Variants in ECH1 observed in about 807,000 individuals in gnomAD.
The protein encoded by ECH1 is delta(3,5)-Delta(2,4)-dienoyl-CoA isomerase, mitochondrial.
Under a neutral mutation model 37.0 loss-of-function variants are expected in ECH1, and 30 were observed. The ratio of observed to expected loss-of-function variants is 0.81; its 90% CI spans 0.61 to 1.10. The LOEUF (loss-of-function observed/expected upper bound fraction) is 1.10. Ranked by LOEUF, ECH1 falls within the 50% of genes least tolerant of loss-of-function variation. ECH1 has a pLI of 0.00. For missense variants in ECH1, 456 were observed against 441.6 expected (o/e 1.03, Z -0.29); for synonymous variants, 178 against 176.0 (o/e 1.01, Z -0.09).
chr19:38,827,359 C>A (rs144071712), intron 3 of ECH1, among the ~76,000 whole-genome samples: 1 of 152,038 alleles, frequency 6.6e-6, no homozygotes, highest in Admixed American at 6.6e-5. Context: ...AACCCTCCCA[C>A]GGACAACTAC....
intron 3 of ECH1, among the ~76,000 whole-genome samples, chr19:38,824,124 G>A (rs1464190853): frequency 6.6e-6 from 1 of 152,116 alleles, no homozygotes; most frequent in Non-Finnish European, 1.5e-5. Context: ...TCCAACCCTG[G>A]AGATCCCTTC....
rs376376429 is a variant in ECH1, at chr19:38,817,341, G to A, written c.498C>T (p.Ala166=). ...CTCCGCCAATGCAGCCCCCATGGAC[G>A]GCAGCAATCACGGGCTTGGGGCACT... is the stretch of plus-strand genomic sequence containing the variant. ...IERCPKPVIA[A]VHGGCIGGGV... The change falls in exon 5 of 10, where the codon GCC becomes GCT. Residue 166 remains alanine, a synonymous_variant. Transcript: ENST00000221418. 7 of 1,581,036 alleles carry A rather than the reference G, an allele frequency of 4.4e-6. No homozygotes were observed. The highest frequency in any genetic ancestry group is 2.7e-5 in the African/African-American group (2 of 74,508).
intron 3 of ECH1, among the ~76,000 whole-genome samples, chr19:38,823,919 T>C (rs1971701764): frequency 6.6e-6 from 1 of 152,202 alleles, no homozygotes; most frequent in African/African-American, 2.4e-5. Context: ...GTTACATTCT[T>C]TAGGCACCCA....
rs1971566468 is a variant in ECH1 at position 38,815,883 on chromosome 19, A to T, written c.856T>A (p.Ser286Thr). 6.2e-7 allele frequency: 1 copy of T among 1,614,044 alleles called. No individual in the cohort carries two copies. ...ACGTAGTTGAGGCTCTCGGCCACCG[A>T]ATGGTCGCGGGAATACAGCAGGTTG... ...KVNLLYSRDH[S>T]VAESLNYVAS... Residue 286 changes from serine (S) to threonine (T), a missense_variant, in exon 9 of 10, where the codon TCG becomes ACG. Physicochemically the swap from Ser to Thr is moderately conservative, Grantham distance 58. Transcript: ENST00000221418.
chr19:38,830,887 TGGA>T, intron 3 of ECH1, 188 bp downstream of exon 3: 1 of 577,454 alleles, frequency 1.7e-6, no homozygotes. Flanking sequence ...ACCCGGGAGG[TGGA>T]GGTTGCAGTG....
At chr19:38,826,917 T>A (rs1971747507) in intron 3 of ECH1, among the ~76,000 whole-genome samples, 1 of 151,940 alleles carries the variant, frequency 6.6e-6, no homozygotes. Context: ...TTCTCGCTAA[T>A]CAAGGGTACA....
At chr19:38,823,988 C>G (rs1339106945) in intron 3 of ECH1, among the ~76,000 whole-genome samples, 1 of 152,136 alleles carries the variant, frequency 6.6e-6, no homozygotes, top group Non-Finnish European at 1.5e-5. Context: ...TGGCGACTAC[C>G]TGGAATTTTA....
intron 3 of ECH1, among the ~76,000 whole-genome samples, chr19:38,818,044 C>A (rs1343900695): frequency 6.6e-6 from 1 of 152,212 alleles, no homozygotes; most frequent in Non-Finnish European, 1.5e-5. Context: ...ACCTCAGCCT[C>A]CTGAGTGGCT....
chr19:38,816,822 A>C, intron 6 of ECH1: 1 of 629,228 alleles, frequency 1.6e-6, no homozygotes, highest in Non-Finnish European at 2.8e-6. Flanking sequence ...CCCCGGCTCC[A>C]TCCTGCCTCC....
At chr19:38,819,008 T>TACGC (rs1971622652) in intron 3 of ECH1, 1 of 324,272 alleles carries the variant, frequency 3.1e-6, no homozygotes, top group Non-Finnish European at 4.4e-6. Flanking sequence ...TGTGTGTGTG[T>TACGC]GCGGGCACGT....
intron 3 of ECH1, among the ~76,000 whole-genome samples, chr19:38,828,676 C>T (rs566929113): frequency 2.0e-5 from 3 of 152,094 alleles, no homozygotes; most frequent in Non-Finnish European, 2.9e-5. Context: ...AGTGCAGTGG[C>T]GCCATCTCGG....
At chr19:38,816,940 A>G in intron 6 of ECH1, 125 bp downstream of exon 6, 1 of 1,105,366 alleles carries the variant, frequency 9.0e-7, no homozygotes. Context: ...GACTTCCTCT[A>G]TGGGCAAGTC....
rs113504198 is a variant in ECH1, at chr19:38,817,113, G to A, written c.540C>T (p.Thr180=). ...GGGCACAGTACCGGATGTCACAGGCGGTGACAAGGTCCACACCTAGGAGGT... is the reference window on the plus strand; with the variant it reads ...GGGCACAGTACCGGATGTCACAGGCAGTGACAAGGTCCACACCTAGGAGGT... ...GCIGGGVDLV[T]ACDIRYCAQD... The change falls in exon 6 of 10, where the codon ACC becomes ACT. Residue 180 remains threonine, a synonymous_variant. Coordinates refer to ENST00000221418, the MANE Select transcript of ECH1 (RefSeq NM_001398.3). 2.9e-5 allele frequency: 46 copies of A among 1,574,964 alleles called. No individual in the cohort carries two copies. Among genetic ancestry groups the A allele is most frequent in the Middle Eastern group, 1.7e-4 (1 of 6,046 alleles).
At chr19:38,816,942 G>T in intron 6 of ECH1, 123 bp downstream of exon 6, 1 of 1,127,930 alleles carries the variant, frequency 8.9e-7, no homozygotes. Context: ...CTTCCTCTAT[G>T]GGCAAGTCTT....
intron 3 of ECH1, among the ~76,000 whole-genome samples, chr19:38,821,941 G>A (rs994816219): frequency 6.6e-6 from 1 of 152,254 alleles, no homozygotes; most frequent in Non-Finnish European, 1.5e-5. Flanking sequence ...TGAGTCTAGT[G>A]GGGATTTGGA....
chr19:38,825,852 C>G (rs906227233), intron 3 of ECH1, among the ~76,000 whole-genome samples: 11 of 152,244 alleles, frequency 7.2e-5, no homozygotes, highest in African/African-American at 2.2e-4. Flanking sequence ...GACGAAGGTT[C>G]CCTAGGTCAG....
intron 3 of ECH1, among the ~76,000 whole-genome samples, chr19:38,827,495 C>T (rs866092331): frequency 6.6e-6 from 1 of 152,038 alleles, no homozygotes; most frequent in Non-Finnish European, 1.5e-5. Flanking sequence ...TGAAAACTTT[C>T]AGCCTGAGGG....
intron 8 of ECH1, 129 bp from the exon 9 acceptor site, chr19:38,816,136 G>A (rs1280157868): frequency 6.8e-7 from 1 of 1,467,446 alleles, no homozygotes; most frequent in Non-Finnish European, 9.2e-7. Context: ...ATCAGAGCAG[G>A]GGGCTGACCC....
intron 5 of ECH1, 70 bp from the exon 6 acceptor site, chr19:38,817,199 C>A: frequency 6.4e-7 from 1 of 1,550,398 alleles, no homozygotes; most frequent in Non-Finnish European, 8.7e-7. Flanking sequence ...GGTGGGGCTG[C>A]CTCTTGGGAC....
Sources: allele counts gnomAD v4.1 joint callset (sites outside exome capture counted in the v4.1 genomes callset), GRCh38; gene constraint gnomAD v4.1.1; transcripts MANE v1.5; gene names NCBI Gene and HGNC (gene_info 2026-07-23, HGNC 2026-07-21).